PPM1H: variants seen among roughly 807,000 people sequenced by gnomAD.
PPM1H encodes the protein protein phosphatase, Mg2+/Mn2+ dependent 1H.
In PPM1H, 27 loss-of-function variants were observed where a neutral mutation model predicts 54.9. The observed-to-expected ratio is 0.49, with a 90% confidence interval of 0.36 to 0.68. The LOEUF is 0.68. Ranked by LOEUF, PPM1H falls within the 30% of genes least tolerant of loss-of-function variation. The pLI, the probability that PPM1H is intolerant of heterozygous loss-of-function variation, is 0.00. For missense variants in PPM1H, 596 were observed against 667.8 expected, an observed-to-expected ratio of 0.89 and a Z score of 1.19; for synonymous variants, 305 against 270.8, an observed-to-expected ratio of 1.13 and a Z score of -1.24.
intron 9 of PPM1H, among the ~76,000 whole-genome samples, chr12:62,662,926 C>G (rs900733354): frequency 6.6e-6 from 1 of 152,184 alleles, no homozygotes; most frequent in African/African-American, 2.4e-5. Flanking sequence ...GTTTTAATGT[C>G]TATATCCCTA....
chr12:62,868,697 G>A (rs555513435), intron 1 of PPM1H, among the ~76,000 whole-genome samples: 23 of 152,282 alleles, frequency 1.5e-4, no homozygotes, highest in African/African-American at 4.3e-4. Context: ...CTTGAGATAC[G>A]GAAGTGCCAA....
At chr12:62,908,670 A>G (rs1197095075) in intron 1 of PPM1H, among the ~76,000 whole-genome samples, 4 of 152,084 alleles carry the variant, frequency 2.6e-5, no homozygotes, top group South Asian at 2.1e-4. Context: ...GAAGGAATGG[A>G]CTCCTCTTAA....
intron 5 of PPM1H, among the ~76,000 whole-genome samples, chr12:62,736,347 C>T (rs1045706248): frequency 6.6e-5 from 10 of 152,280 alleles, no homozygotes; most frequent in African/African-American, 2.4e-4. Context: ...TCCTTTCCAC[C>T]GGCCTAGACT....
intron 6 of PPM1H, among the ~76,000 whole-genome samples, chr12:62,710,876 C>G (rs960160427): frequency 4.6e-5 from 7 of 152,240 alleles, no homozygotes; most frequent in Admixed American, 1.3e-4. Flanking sequence ...CTGACCCTTT[C>G]ACTCTCCATA....
intron 3 of PPM1H, among the ~76,000 whole-genome samples, chr12:62,795,740 T>C (rs1435974776): frequency 6.6e-6 from 1 of 152,038 alleles, no homozygotes; most frequent in African/African-American, 2.4e-5. Context: ...CCTTGTTTTG[T>C]TTTTGAGACA....
chr12:62,903,142 T>C (rs1871207207), intron 1 of PPM1H, among the ~76,000 whole-genome samples: 1 of 152,192 alleles, frequency 6.6e-6, no homozygotes, highest in Non-Finnish European at 1.5e-5. Flanking sequence ...TCCAGCTTTA[T>C]GGCCACTGCA....
chr12:62,858,606 G>A (rs1359073016), intron 1 of PPM1H, among the ~76,000 whole-genome samples: 1 of 152,096 alleles, frequency 6.6e-6, no homozygotes, highest in Non-Finnish European at 1.5e-5. Context: ...ATAGTGTCCC[G>A]GCAGGTCTGC....
At chr12:62,922,265 T>C (rs1871823276) in intron 1 of PPM1H, among the ~76,000 whole-genome samples, 1 of 152,100 alleles carries the variant, frequency 6.6e-6, no homozygotes, top group South Asian at 2.1e-4. Flanking sequence ...CTCTTGAAAA[T>C]TAGTTTCCTT....
At chr12:62,756,033 C>A in intron 4 of PPM1H, 3 of 1,411,122 alleles carry the variant, frequency 2.1e-6, no homozygotes, top group Non-Finnish European at 3.0e-6. Context: ...CCGAGACCCC[C>A]TCAAGGGCAT....
At chr12:62,677,525 G>A (rs898723812) in intron 8 of PPM1H, among the ~76,000 whole-genome samples, 6 of 152,178 alleles carry the variant, frequency 3.9e-5, no homozygotes, top group South Asian at 2.1e-4. Context: ...AGTGGAAGCC[G>A]CTTGTGGTGT....
intron 3 of PPM1H, among the ~76,000 whole-genome samples, chr12:62,800,600 G>C (rs1213451670): frequency 4.6e-5 from 7 of 152,020 alleles, no homozygotes; most frequent in African/African-American, 1.7e-4. Flanking sequence ...ACCTCCCAAA[G>C]TGCTGGGATT....
In PPM1H at chr12:62,691,447, T is replaced by C. The variant is rs566677013; in HGVS notation, c.1138-1641A>G. On this transcript the variant is annotated intron_variant, in intron 7 of 9. Coordinates refer to ENST00000228705, the MANE Select transcript of PPM1H (RefSeq NM_020700.2). ...GGGCTGTGAATTTTGAAGCCAGCCT[T>C]GGTTCGGAAGGTAGGCAGAGTTCAC... Among the ~76,000 whole-genome samples the C allele has an allele frequency of 2.0e-5, 3 of 152,252 alleles. No homozygotes were observed. In the East Asian group the frequency reaches 5.8e-4, roughly 29 times the overall value.
intron 4 of PPM1H, among the ~76,000 whole-genome samples, chr12:62,778,317 G>A (rs1191840152): frequency 6.6e-6 from 1 of 152,148 alleles, no homozygotes; most frequent in African/African-American, 2.4e-5. Context: ...CTGGGTACAC[G>A]ACTTAGACTA....
At chr12:62,676,483 C>G (rs2075987066) in intron 8 of PPM1H, among the ~76,000 whole-genome samples, 1 of 152,164 alleles carries the variant, frequency 6.6e-6, no homozygotes. Context: ...GGCTGCAGAC[C>G]CAGGCATCCC....
In PPM1H at chr12:62,844,480, C is replaced by G. The variant is rs1271503017; in HGVS notation, c.246-12201G>C. Among the ~76,000 whole-genome samples, 1 of 152,174 alleles carries G rather than the reference C, an allele frequency of 6.6e-6. No homozygotes were observed. Among genetic ancestry groups the G allele is most frequent in the Non-Finnish European group, 1.5e-5 (1 of 68,028 alleles). On this transcript the variant is annotated intron_variant, in intron 1 of 9. Coordinates refer to ENST00000228705, the MANE Select transcript of PPM1H (RefSeq NM_020700.2). The surrounding 1 kb of genome is among the most constrained non-coding windows in gnomAD (Gnocchi z 5.2). ...GATTCAGGCTACGTAGCCACATTCC[C>G]CTCAAGGCTCAAGATAACTTAAAGT... is the stretch of plus-strand genomic sequence containing the variant.
intron 1 of PPM1H, among the ~76,000 whole-genome samples, chr12:62,933,332 G>T (rs558928064): frequency 6.6e-6 from 1 of 152,230 alleles, no homozygotes; most frequent in African/African-American, 2.4e-5. Context: ...GAACCCTTAG[G>T]GTCGGGAACC....
chr12:62,674,014 G>A (rs2075972267), intron 8 of PPM1H, among the ~76,000 whole-genome samples: 1 of 151,860 alleles, frequency 6.6e-6, no homozygotes, highest in Non-Finnish European at 1.5e-5. Context: ...ACTGCACCTG[G>A]CCTAGCGCTC....
At chr12:62,808,952 C>A (rs1328552349) in intron 2 of PPM1H, among the ~76,000 whole-genome samples, 2 of 152,146 alleles carry the variant, frequency 1.3e-5, no homozygotes, top group South Asian at 2.1e-4. Flanking sequence ...TTTCAAAGAA[C>A]TATATGAGGC....
At chr12:62,818,821 C>CT (rs771501305) in intron 2 of PPM1H, among the ~76,000 whole-genome samples, 11,667 of 135,728 alleles carry the variant, frequency 0.086, 832 homozygotes, top group African/African-American at 0.18. Context: ...TTTTCTTTTT[C>CT]TTTTTTTTTT....
Sources: allele counts gnomAD v4.1 joint callset (sites outside exome capture counted in the v4.1 genomes callset), GRCh38; gene constraint gnomAD v4.1.1; non-coding constraint Gnocchi (gnomAD v3.1); transcripts MANE v1.5; gene names NCBI Gene and HGNC (gene_info 2026-07-23, HGNC 2026-07-21).